ADAM2: variants seen among roughly 807,000 people sequenced by gnomAD.
ADAM2 encodes disintegrin and metalloproteinase domain-containing protein 2.
ADAM2 carries 101 observed loss-of-function variants against 99.3 expected under a neutral mutation model. The observed-to-expected ratio is 1.02, with a 90% CI of 0.87 to 1.20. The LOEUF is 1.20. Ranked by LOEUF, ADAM2 falls within the 50% of genes most tolerant of loss-of-function variation. ADAM2 has a pLI of 0.00. For synonymous variants in ADAM2, 323 were observed against 287.6 expected (o/e 1.12, Z -1.25); for missense variants, 948 against 878.7 (o/e 1.08, Z -1.00).
At chr8:39,783,765 C>CA (rs1803333142) in intron 10 of ADAM2, among the ~76,000 whole-genome samples, 1 of 152,026 alleles carries the variant, frequency 6.6e-6, no homozygotes, top group Non-Finnish European at 1.5e-5. Flanking sequence ...TCCTGGCTAA[C>CA]ATGGTGAAAC....
intron 14 of ADAM2, among the ~76,000 whole-genome samples, chr8:39,762,464 A>G (rs1473039376): frequency 2.6e-5 from 4 of 152,236 alleles, no homozygotes; most frequent in Non-Finnish European, 4.4e-5. Flanking sequence ...AAGAGAAACT[A>G]CTGAAAGACG....
chr8:39,771,222 T>A (rs1802769203), intron 11 of ADAM2, among the ~76,000 whole-genome samples: 3 of 152,208 alleles, frequency 2.0e-5, no homozygotes, highest in Admixed American at 1.3e-4. Flanking sequence ...CATGCATGGT[T>A]CCCTTTCATT....
At chr8:39,806,055 G>A (rs1394314574) in intron 7 of ADAM2, among the ~76,000 whole-genome samples, 1 of 152,160 alleles carries the variant, frequency 6.6e-6, no homozygotes, top group Non-Finnish European at 1.5e-5. Flanking sequence ...GAGGAGATGG[G>A]AGTAAGTCCT....
chr8:39,809,524 G>T, intron 6 of ADAM2, 58 bp from the exon 7 acceptor site: 1 of 777,640 alleles, frequency 1.3e-6, no homozygotes, highest in South Asian at 1.6e-5. Flanking sequence ...TATTTTTAGT[G>T]CATGTCACTA....
At chr8:39,785,746 G>A (rs1391693153) in intron 10 of ADAM2, among the ~76,000 whole-genome samples, 1 of 149,766 alleles carries the variant, frequency 6.7e-6, no homozygotes, top group Non-Finnish European at 1.5e-5. Context: ...GCAGTGAAAC[G>A]AGATTGTGCT....
intron 7 of ADAM2, among the ~76,000 whole-genome samples, chr8:39,794,414 G>A (rs925848839): frequency 6.6e-6 from 1 of 152,044 alleles, no homozygotes; most frequent in Non-Finnish European, 1.5e-5. Flanking sequence ...GTTAGCTATA[G>A]CATGCTGGTT....
chr8:39,811,468 C>A (rs1191537625), intron 6 of ADAM2, among the ~76,000 whole-genome samples: 1 of 152,060 alleles, frequency 6.6e-6, no homozygotes, highest in East Asian at 1.9e-4. Flanking sequence ...GGGGCAGACA[C>A]AACAAAAAAA....
intron 10 of ADAM2, among the ~76,000 whole-genome samples, chr8:39,784,875 T>C (rs1040668889): frequency 5.9e-5 from 9 of 152,136 alleles, no homozygotes; most frequent in Non-Finnish European, 1.3e-4. Flanking sequence ...TGTTCATGTC[T>C]TTTGCCCATT....
intron 3 of ADAM2, 133 bp from the exon 4 acceptor site, chr8:39,825,030 G>T: frequency 1.7e-6 from 1 of 599,656 alleles, no homozygotes; most frequent in Non-Finnish European, 3.0e-6. Context: ...CTAAATATAT[G>T]GATTTTGTTC....
Position 39,777,060 on chromosome 8 carries a change from G to A in ADAM2, c.993C>T (p.Cys331=), listed in dbSNP as rs1266056817. The part of the protein sequence containing the change: ...ITYDDINKCQ[C]SGAVCIMNPE... ...GATTCATAATGCAGACAGCTCCTGA[G>A]CACTGGCATTTGTTAATGTCATCAT... The change falls in exon 11 of 21, where the codon TGC becomes TGT. Residue 331 remains cysteine (C), a synonymous_variant. Transcript: ENST00000265708. The A allele has an allele frequency of 1.3e-6, 2 of 1,595,572 alleles. No homozygotes were observed. The highest frequency in any genetic ancestry group is 1.7e-5 in the Admixed American group (1 of 59,804).
chr8:39,784,381 A>G (rs1019113673), intron 10 of ADAM2, among the ~76,000 whole-genome samples: 5 of 151,938 alleles, frequency 3.3e-5, no homozygotes, highest in African/African-American at 1.2e-4. Flanking sequence ...CTAATTTAAA[A>G]ATTTTGTTGT....
intron 16 of ADAM2, among the ~76,000 whole-genome samples, chr8:39,752,323 A>G (rs1381555069): frequency 6.6e-6 from 1 of 152,180 alleles, no homozygotes; most frequent in Non-Finnish European, 1.5e-5. Context: ...ATCTGGCTGA[A>G]ATAACATTAT....
intron 17 of ADAM2, 84 bp downstream of exon 17, chr8:39,749,583 G>T: frequency 1.0e-6 from 1 of 979,170 alleles, no homozygotes; most frequent in Non-Finnish European, 1.4e-6. Context: ...GTGTGTGTGT[G>T]TGCGTGTGTG....
chr8:39,806,384 T>C (rs879630120), intron 7 of ADAM2, among the ~76,000 whole-genome samples: 14 of 151,768 alleles, frequency 9.2e-5, no homozygotes, highest in Non-Finnish European at 4.4e-5. Flanking sequence ...GATTTCAAGA[T>C]AGGCTTTCAG....
rs189517659 is a variant in ADAM2 at position 39,834,241 on chromosome 8, T to G, written c.133-242A>C. 4.7e-4 allele frequency among the ~76,000 whole-genome samples: 72 copies of G among 152,298 alleles called. 2 individuals are homozygous for G. The East Asian group carries it at 0.013, about 29-fold the overall frequency. The stretch of plus-strand genomic sequence containing the variant: ...TTTGTTTATTTTGAAATGTGTATGT[T>G]GATTTTATGACCTGCAACTTTATTG... On this transcript the variant is annotated intron_variant, in intron 2 of 20. Coordinates refer to ENST00000265708, the MANE Select transcript of ADAM2 (RefSeq NM_001464.5).
At chr8:39,830,728 G>T (rs1427029630) in intron 3 of ADAM2, among the ~76,000 whole-genome samples, 1 of 151,984 alleles carries the variant, frequency 6.6e-6, no homozygotes, top group East Asian at 1.9e-4. Context: ...GCATTTAAAT[G>T]AAAGGAATAG....
At chr8:39,833,834 G>A (rs1805711116) in intron 3 of ADAM2, 110 bp downstream of exon 3, 5 of 700,070 alleles carry the variant, frequency 7.1e-6, no homozygotes, top group South Asian at 4.9e-5. Context: ...TGAATGAATG[G>A]CAAGAAGCTA....
In ADAM2 at chr8:39,781,969, A is replaced by G. The variant is rs1407214574; in HGVS notation, c.892-4808T>C. Reference sequence around the variant, plus strand: ...GCACAACTGTATTTATTTGGAGGAAAACTAACCTTTTAAATAAGTTGTTAT... The same window carrying G: ...GCACAACTGTATTTATTTGGAGGAAGACTAACCTTTTAAATAAGTTGTTAT... On this transcript the variant is annotated intron_variant, in intron 10 of 20. Transcript: ENST00000265708. Among the ~76,000 whole-genome samples the G allele has an allele frequency of 2.0e-5, 3 of 152,176 alleles. No individual in the cohort carries two copies. In the East Asian group the frequency reaches 5.8e-4, roughly 29 times the overall value.
chr8:39,837,032 T>G (rs1483842465), intron 2 of ADAM2, 104 bp downstream of exon 2: 1 of 801,896 alleles, frequency 1.2e-6, no homozygotes, highest in Non-Finnish European at 1.9e-6. Context: ...GGTATAAATA[T>G]AAAATTCAAC....
Sources: allele counts gnomAD v4.1 joint callset (sites outside exome capture counted in the v4.1 genomes callset), GRCh38; gene constraint gnomAD v4.1.1; transcripts MANE v1.5; gene names NCBI Gene and HGNC (gene_info 2026-07-23, HGNC 2026-07-21).